ERGIC1: variants seen among roughly 807,000 people sequenced by gnomAD.
ERGIC1 encodes endoplasmic reticulum-golgi intermediate compartment 1, also known as endoplasmic reticulum-Golgi intermediate compartment protein 1.
Under a neutral mutation model 38.3 loss-of-function variants are expected in ERGIC1, and 19 were observed. The observed-to-expected ratio is 0.50, with a 90% confidence interval of 0.35 to 0.73. The LOEUF (loss-of-function observed/expected upper bound fraction) is 0.73, where lower values mean the gene tolerates loss of function less well. Among genes scored for constraint, ERGIC1 ranks in the 30% least tolerant of loss-of-function variants. ERGIC1 has a pLI of 0.01. For synonymous variants in ERGIC1, 124 were observed against 157.6 expected, an observed-to-expected ratio of 0.79 and a Z score of 1.60; for missense variants, 294 against 389.2, an observed-to-expected ratio of 0.76 and a Z score of 2.06.
chr5:172,860,555 T>C (rs1761671109), intron 1 of ERGIC1, among the ~76,000 whole-genome samples: 1 of 152,204 alleles, frequency 6.6e-6, no homozygotes, highest in African/African-American at 2.4e-5. Context: ...GCTCTTTGGA[T>C]GCAGGGATGG....
In ERGIC1 at chr5:172,915,326, C is replaced by T. The variant is rs1763333725; in HGVS notation, c.375+488C>T. On this transcript the variant is annotated intron_variant, in intron 5 of 9. Transcript: ENST00000393784. Reference sequence around the variant, plus strand: ...TCTGTGTTCCAGGGTCGGTGATAGGCTCTGGGGCAGCGTTCCTGGGCTGGT... The same window carrying T: ...TCTGTGTTCCAGGGTCGGTGATAGGTTCTGGGGCAGCGTTCCTGGGCTGGT... The T allele has an allele frequency of 1.0e-5, 5 of 493,214 alleles. No individual in the cohort carries two copies. In the East Asian group the frequency reaches 2.0e-4, roughly 20 times the overall value. 30.6% of individuals were successfully genotyped at this position (493,214 alleles called of 1,614,324 possible). A position where few individuals can be genotyped will look rare whatever the true frequency, so the allele number is the denominator to read the frequency against.
chr5:172,863,002 T>C (rs1233656365), intron 1 of ERGIC1, among the ~76,000 whole-genome samples: 3 of 152,186 alleles, frequency 2.0e-5, no homozygotes, highest in African/African-American at 2.4e-5. Context: ...TATACATACA[T>C]ACGAACTCTC....
At chr5:172,908,844 G>A (rs1027820843) in intron 3 of ERGIC1, among the ~76,000 whole-genome samples, 3 of 152,280 alleles carry the variant, frequency 2.0e-5, no homozygotes, top group South Asian at 2.1e-4. Context: ...TCTCAGAACC[G>A]GTTCTGCCCC....
chr5:172,872,164 G>T (rs1297030391), intron 1 of ERGIC1, among the ~76,000 whole-genome samples: 1 of 152,020 alleles, frequency 6.6e-6, no homozygotes, highest in African/African-American at 2.4e-5. Flanking sequence ...GCCTCAGGGG[G>T]CCATGAAGCT....
intron 1 of ERGIC1, among the ~76,000 whole-genome samples, chr5:172,870,756 C>T (rs1308834955): frequency 6.6e-6 from 1 of 152,232 alleles, no homozygotes; most frequent in Non-Finnish European, 1.5e-5. Context: ...CGCAGCCACT[C>T]CCTTCCTCCC....
intron 5 of ERGIC1, chr5:172,915,669 G>T (rs1182211556): frequency 2.1e-6 from 1 of 470,776 alleles, no homozygotes; most frequent in Non-Finnish European, 4.4e-6. Context: ...CAACAACGCT[G>T]TGAGGCAGCA....
chr5:172,894,843 C>G (rs1171900697), intron 2 of ERGIC1, among the ~76,000 whole-genome samples: 1 of 152,260 alleles, frequency 6.6e-6, no homozygotes, highest in African/African-American at 2.4e-5. Flanking sequence ...AGCAAACACT[C>G]TCTTTCTTCT....
At chr5:172,930,187 C>CAAAA (rs377062885) in intron 7 of ERGIC1, among the ~76,000 whole-genome samples, 5 of 107,960 alleles carry the variant, frequency 4.6e-5, no homozygotes, top group East Asian at 3.2e-4. Context: ...AACTCCGTTT[C>CAAAA]AAAAAAAAAA....
chr5:172,926,416 G>A lies in ERGIC1; in HGVS notation c.481-93G>A, dbSNP rs541731270. 1.8e-5 allele frequency: 26 copies of A among 1,428,644 alleles called. No individual in the cohort carries two copies. The East Asian group carries it at 5.5e-4, about 30-fold the overall frequency. The allele number at this position is 1,428,644 out of a possible 1,614,324, so 88.5% of individuals were successfully genotyped here. A position where few individuals can be genotyped will look rare whatever the true frequency, so the allele number is the denominator to read the frequency against. On this transcript the variant is annotated intron_variant, in intron 6 of 9. Coordinates refer to ENST00000393784, the MANE Select transcript of ERGIC1 (RefSeq NM_001031711.3). The surrounding 1 kb of genome is among the most constrained non-coding windows in gnomAD (Gnocchi z 5.2). The stretch of plus-strand genomic sequence containing the variant: ...CTTTTACACATTGGTAGGGTTCCTA[G>A]ACCAGGTGGTACCTGGCCATCCCCC...
At chr5:172,907,227 A>G (rs1763053755) in intron 3 of ERGIC1, among the ~76,000 whole-genome samples, 1 of 152,254 alleles carries the variant, frequency 6.6e-6, no homozygotes, top group African/African-American at 2.4e-5. Context: ...AGCCCGTGTG[A>G]GTGCGAGCCT....
At chr5:172,935,788 C>T (rs1012933008) in intron 9 of ERGIC1, 1 of 162,318 alleles carries the variant, frequency 6.2e-6, no homozygotes, top group Non-Finnish European at 1.4e-5. Flanking sequence ...ATGGTCTCTA[C>T]CACATCCAGT....
intron 9 of ERGIC1, among the ~76,000 whole-genome samples, chr5:172,947,849 T>C (rs535712686): frequency 6.6e-6 from 1 of 150,942 alleles, no homozygotes; most frequent in South Asian, 2.1e-4. Flanking sequence ...GGGTTCCAAA[T>C]TGTGTGTAGA....
rs532677842 is a variant in ERGIC1 at position 172,951,857 on chromosome 5, G to C, written c.*1041G>C. The stretch of plus-strand genomic sequence containing the variant: ...AAAGCAGGCCAGGCCTGTCCTGTCC[G>C]TGGACCTCTACCTTCTGGACTCCCT... On this transcript the variant is annotated 3_prime_UTR_variant, in exon 10 of 10. Transcript: ENST00000393784. The C allele has an allele frequency of 1.3e-5, 2 of 152,428 alleles. No homozygotes were observed. The highest frequency in any genetic ancestry group is 4.1e-4 in the South Asian group (2 of 4,830). 9.4% of individuals were successfully genotyped at this position (152,428 alleles called of 1,614,324 possible). A position where few individuals can be genotyped will look rare whatever the true frequency, so the allele number is the denominator to read the frequency against.
chr5:172,852,954 C>T (rs1761450037), intron 1 of ERGIC1, among the ~76,000 whole-genome samples: 1 of 152,234 alleles, frequency 6.6e-6, no homozygotes, highest in Non-Finnish European at 1.5e-5. Flanking sequence ...GGAATCTTCA[C>T]CTCACCTAAA....
chr5:172,891,749 T>C (rs1160034498), intron 2 of ERGIC1, among the ~76,000 whole-genome samples: 1 of 152,212 alleles, frequency 6.6e-6, no homozygotes, highest in East Asian at 1.9e-4. Flanking sequence ...CTATTTAGGC[T>C]TTGATATACC....
intron 1 of ERGIC1, among the ~76,000 whole-genome samples, chr5:172,862,538 A>G (rs1223742241): frequency 1.3e-5 from 2 of 152,178 alleles, no homozygotes; most frequent in African/African-American, 2.4e-5. Context: ...AATTCTCCAC[A>G]GCAAGCTGGC....
At chr5:172,884,591 C>G (rs1221361174) in intron 1 of ERGIC1, among the ~76,000 whole-genome samples, 1 of 152,152 alleles carries the variant, frequency 6.6e-6, no homozygotes, top group African/African-American at 2.4e-5. Context: ...CCTTTTCATT[C>G]TTTGAACACT....
intron 8 of ERGIC1, 81 bp from the exon 9 acceptor site, chr5:172,935,107 G>A (rs1465734870): frequency 6.3e-7 from 1 of 1,599,656 alleles, no homozygotes; most frequent in Non-Finnish European, 8.5e-7. Flanking sequence ...CTGGAGGGTT[G>A]CTGGGGGGCC....
intron 1 of ERGIC1, among the ~76,000 whole-genome samples, chr5:172,886,143 T>C (rs898784508): frequency 1.3e-5 from 2 of 151,952 alleles, no homozygotes; most frequent in Non-Finnish European, 2.9e-5. Context: ...CGACACTTGG[T>C]GTGAGACTCC....
Sources: allele counts gnomAD v4.1 joint callset (sites outside exome capture counted in the v4.1 genomes callset), GRCh38; gene constraint gnomAD v4.1.1; non-coding constraint Gnocchi (gnomAD v3.1); transcripts MANE v1.5; gene names NCBI Gene and HGNC (gene_info 2026-07-23, HGNC 2026-07-21).